SPAG16: variants seen among roughly 807,000 people sequenced by gnomAD.
The protein encoded by SPAG16 is sperm associated antigen 16, also known as sperm-associated antigen 16 protein.
A neutral mutation model predicts 80.4 loss-of-function variants in SPAG16; 86 were observed. The ratio of observed to expected loss-of-function variants is 1.07; its 90% CI spans 0.90 to 1.28. The LOEUF is 1.28. Among genes scored for constraint, SPAG16 ranks in the 50% most tolerant of loss-of-function variants. The probability of loss-of-function intolerance (pLI) is 0.00; values close to 1 mark genes in which losing one functional copy is unlikely to be tolerated. For missense variants in SPAG16, 870 were observed against 765.3 expected (o/e 1.14, Z -1.61); for synonymous variants, 294 against 265.9 (o/e 1.11, Z -1.03).
At chr2:214,289,979 C>T (rs1400675975) in intron 15 of SPAG16, among the ~76,000 whole-genome samples, 1 of 152,060 alleles carries the variant, frequency 6.6e-6, no homozygotes, top group Non-Finnish European at 1.5e-5. Context: ...TTTTTGAATA[C>T]TTTCAGGAGA....
intron 15 of SPAG16, among the ~76,000 whole-genome samples, chr2:214,389,883 T>G (rs755503825): frequency 1.3e-5 from 2 of 152,198 alleles, no homozygotes; most frequent in Non-Finnish European, 2.9e-5. Context: ...GTTAGGGCAT[T>G]AGTCTGGACC....
chr2:213,746,856 G>A (rs1255525093), intron 10 of SPAG16, among the ~76,000 whole-genome samples: 1 of 152,060 alleles, frequency 6.6e-6, no homozygotes, highest in Non-Finnish European at 1.5e-5. Flanking sequence ...TGTACAATAC[G>A]TAATACCTGA....
intron 14 of SPAG16, among the ~76,000 whole-genome samples, chr2:214,126,446 C>T (rs917364439): frequency 1.3e-4 from 20 of 151,634 alleles, no homozygotes; most frequent in African/African-American, 4.6e-4. Context: ...ACAGTGGCAA[C>T]AGCCAGGCCT....
At chr2:213,296,745 A>C (rs2062515202) in intron 2 of SPAG16, among the ~76,000 whole-genome samples, 1 of 152,210 alleles carries the variant, frequency 6.6e-6, no homozygotes, top group Admixed American at 6.5e-5. Flanking sequence ...GAAGTTCCTG[A>C]ATGAGTTAAT....
chr2:214,013,097 T>C (rs570386338), intron 12 of SPAG16, among the ~76,000 whole-genome samples: 1 of 152,288 alleles, frequency 6.6e-6, no homozygotes, highest in African/African-American at 2.4e-5. Flanking sequence ...AGGAGAGGCA[T>C]TAATCCACTA....
chr2:213,771,489 G>A (rs1224420227), intron 10 of SPAG16, among the ~76,000 whole-genome samples: 1 of 151,886 alleles, frequency 6.6e-6, no homozygotes, highest in Non-Finnish European at 1.5e-5. Flanking sequence ...TGCTTTTGTT[G>A]CAATTGCTTC....
intron 10 of SPAG16, among the ~76,000 whole-genome samples, chr2:213,592,171 C>A (rs1178182075): frequency 6.6e-6 from 1 of 152,094 alleles, no homozygotes; most frequent in Non-Finnish European, 1.5e-5. Flanking sequence ...CCTCTAATAC[C>A]AGCAGAACTA....
chr2:214,186,718 C>T (rs1270292181), intron 15 of SPAG16, among the ~76,000 whole-genome samples: 2 of 151,932 alleles, frequency 1.3e-5, no homozygotes, highest in African/African-American at 4.8e-5. Context: ...TAAAAAAGAG[C>T]TCAATACAGA....
At chr2:214,084,660 TA>T (rs1288266663) in intron 13 of SPAG16, among the ~76,000 whole-genome samples, 3 of 152,176 alleles carry the variant, frequency 2.0e-5, no homozygotes, top group Non-Finnish European at 2.9e-5. Flanking sequence ...ATTACTGACC[TA>T]GGCTCTAACT....
intron 10 of SPAG16, among the ~76,000 whole-genome samples, chr2:213,638,808 G>C (rs2062470683): frequency 6.6e-6 from 1 of 152,086 alleles, no homozygotes; most frequent in African/African-American, 2.4e-5. Context: ...TTAACTTTCT[G>C]TCTTGATGAC....
chr2:214,373,358 G>A lies in SPAG16; in HGVS notation c.1721-36782G>A, dbSNP rs545299092. ...TGATTACATGAGACATAACTAAAAG[G>A]CAATGAAACTGATCACAAGAGCCAC... On this transcript the variant is annotated intron_variant, in intron 15 of 15. Transcript: ENST00000331683. 7.2e-4 allele frequency among the ~76,000 whole-genome samples: 109 copies of A among 152,004 alleles called. 6 individuals carry two copies. Among genetic ancestry groups the A allele is most frequent in the Non-Finnish European group, 5.9e-5 (4 of 68,008 alleles).
intron 10 of SPAG16, among the ~76,000 whole-genome samples, chr2:213,626,613 A>G (rs577450533): frequency 6.6e-6 from 1 of 151,240 alleles, no homozygotes; most frequent in South Asian, 2.1e-4. Context: ...TTTGCATGAC[A>G]CACTAGATAT....
chr2:214,130,722 A>G (rs114074340), intron 14 of SPAG16, among the ~76,000 whole-genome samples: 3,793 of 152,326 alleles, frequency 0.025, 97 homozygotes, highest in South Asian at 0.13. Flanking sequence ...TAAGACAAAG[A>G]TCTCATACAT....
At chr2:214,086,422 A>C (rs2051758029) in intron 13 of SPAG16, among the ~76,000 whole-genome samples, 1 of 152,164 alleles carries the variant, frequency 6.6e-6, no homozygotes, top group African/African-American at 2.4e-5. Context: ...CATGAATTGT[A>C]ATCCGAATTG....
intron 13 of SPAG16, among the ~76,000 whole-genome samples, chr2:214,083,129 C>T (rs1176876099): frequency 6.6e-6 from 1 of 152,166 alleles, no homozygotes; most frequent in Non-Finnish European, 1.5e-5. Context: ...ATAATACTAC[C>T]ATCTATTAGG....
intron 10 of SPAG16, among the ~76,000 whole-genome samples, chr2:213,533,511 T>G (rs567967342): frequency 6.6e-6 from 1 of 152,334 alleles, no homozygotes; most frequent in African/African-American, 2.4e-5. Context: ...CTGCAACATT[T>G]GACATCCTCT....
chr2:214,193,098 CA>C (rs1281871637), intron 15 of SPAG16, among the ~76,000 whole-genome samples: 1 of 152,032 alleles, frequency 6.6e-6, no homozygotes, highest in Non-Finnish European at 1.5e-5. Context: ...TTTGTATCCC[CA>C]TATCAGTCGG....
chr2:213,956,176 G>C (rs1402445143), intron 12 of SPAG16, among the ~76,000 whole-genome samples: 1 of 151,564 alleles, frequency 6.6e-6, no homozygotes, highest in East Asian at 2.0e-4. Context: ...GACTGGTCTT[G>C]AACTCCTGAC....
intron 10 of SPAG16, among the ~76,000 whole-genome samples, chr2:213,806,538 TAAAA>T (rs551061885): frequency 4.6e-5 from 7 of 152,066 alleles, no homozygotes; most frequent in Non-Finnish European, 8.8e-5. Flanking sequence ...TTTTCTTTAA[TAAAA>T]AAACTCTCAC....
Sources: gnomAD v4.1 joint callset for allele counts (sites outside exome capture counted in the v4.1 genomes callset) on GRCh38, gnomAD v4.1.1 for gene constraint, MANE v1.5 for transcripts, NCBI Gene and HGNC (gene_info 2026-07-23, HGNC 2026-07-21) for gene names.